NCKAP5: variants seen among roughly 807,000 people sequenced by gnomAD.
NCKAP5 encodes the protein nck-associated protein 5.
Under a neutral mutation model 167.0 loss-of-function variants are expected in NCKAP5, and 92 were observed. The ratio of observed to expected loss-of-function variants is 0.55; its 90% confidence interval spans 0.47 to 0.66. The LOEUF is 0.66. NCKAP5 is among the 30% of genes least tolerant of loss of function. NCKAP5 has a pLI of 0.00. For missense variants in NCKAP5, 2,378 were observed against 2,315.0 expected, an observed-to-expected ratio of 1.03 and a Z score of -0.56; for synonymous variants, 891 against 877.4, an observed-to-expected ratio of 1.02 and a Z score of -0.27.
At chr2:133,578,943 C>T in the NCKAP5 span, among the ~76,000 whole-genome samples, 4 of 152,166 alleles carry the variant, frequency 2.6e-5, no homozygotes. Context: ...GGTAACCCAA[C>T]AAATAATCTG....
chr2:133,001,714 C>T (rs2077788932), intron 6 of NCKAP5, among the ~76,000 whole-genome samples: 1 of 152,152 alleles, frequency 6.6e-6, no homozygotes, highest in African/African-American at 2.4e-5. Flanking sequence ...TGGGTATCAA[C>T]ATTTTCTGCT....
intron 3 of NCKAP5, among the ~76,000 whole-genome samples, chr2:133,487,548 C>T (rs1681020211): frequency 6.6e-6 from 1 of 152,122 alleles, no homozygotes; most frequent in Admixed American, 6.5e-5. Context: ...CATCCTGATT[C>T]TAAAAATGTC....
intron 3 of NCKAP5, among the ~76,000 whole-genome samples, chr2:133,424,218 T>TA (rs1689652062): frequency 6.6e-6 from 1 of 152,148 alleles, no homozygotes; most frequent in African/African-American, 2.4e-5. Flanking sequence ...TAAGACCCTA[T>TA]AACTTGTCCA....
intron 5 of NCKAP5, among the ~76,000 whole-genome samples, chr2:133,145,801 A>G (rs2083171734): frequency 6.6e-6 from 1 of 152,120 alleles, no homozygotes; most frequent in Non-Finnish European, 1.5e-5. Flanking sequence ...CCAGGCATTG[A>G]CAAACAACTC....
chr2:133,579,589 T>A, the NCKAP5 span, among the ~76,000 whole-genome samples: 1 of 152,102 alleles, frequency 6.6e-6, no homozygotes, highest in Non-Finnish European at 1.5e-5. Flanking sequence ...GATAAGTAGG[T>A]GTCCCTGGAT....
chr2:133,627,632 G>C, the NCKAP5 span, among the ~76,000 whole-genome samples: 3 of 152,156 alleles, frequency 2.0e-5, no homozygotes, highest in Non-Finnish European at 4.4e-5. Flanking sequence ...AATTAGCCAA[G>C]TGTGGTGACG....
At chr2:132,858,132 A>T (rs1390128677) in intron 11 of NCKAP5, among the ~76,000 whole-genome samples, 1 of 152,184 alleles carries the variant, frequency 6.6e-6, no homozygotes, top group Non-Finnish European at 1.5e-5. Flanking sequence ...AGAAGTGCAA[A>T]AAAACTACTT....
intron 2 of NCKAP5, chr2:133,556,976 A>G (rs1409718206): frequency 6.6e-6 from 1 of 152,232 alleles, no homozygotes; most frequent in Non-Finnish European, 1.5e-5. Flanking sequence ...GACAATGAGA[A>G]AGAAGTCTTC....
At chr2:132,733,181 A>G (rs951139795) in intron 16 of NCKAP5, among the ~76,000 whole-genome samples, 4 of 152,216 alleles carry the variant, frequency 2.6e-5, no homozygotes, top group African/African-American at 7.2e-5. Context: ...ATCAAGGCCA[A>G]TGAGGCAGCT....
intron 6 of NCKAP5, chr2:133,118,891 G>A (rs1220983625): frequency 2.6e-5 from 4 of 152,060 alleles, no homozygotes; most frequent in African/African-American, 9.7e-5. Context: ...AAATGAAATG[G>A]GAAAATACAC....
In NCKAP5 at chr2:132,860,599, C is replaced by T. The variant is rs750518866; in HGVS notation, c.700G>A (p.Glu234Lys). The change falls in exon 11 of 20, where the codon GAA becomes AAA. Residue 234 changes from glutamate to lysine, a missense_variant. By Grantham distance (56) the Glu-to-Lys change is moderately conservative (BLOSUM62 1). This residue lies in a region of NCKAP5 where 1,049 missense variants were observed against 1,023.4 expected (regional missense o/e 1.02). Coordinates refer to ENST00000409261, the MANE Select transcript of NCKAP5 (RefSeq NM_207363.3). ...ACTCTTGTTTTCAACTTCACACATTCCTCTCTTAGATCCTACAACAAACAC... is the reference window on the plus strand; with the variant it reads ...ACTCTTGTTTTCAACTTCACACATTTCTCTCTTAGATCCTACAACAAACAC... Reference protein sequence around the residue: ...ALLTQKDLREECVKLKTRVFD... With the variant: ...ALLTQKDLREKCVKLKTRVFD... 10 of 1,573,576 alleles carry T rather than the reference C, an allele frequency of 6.4e-6. No individual in the cohort carries two copies. Among genetic ancestry groups the T allele is most frequent in the South Asian group, 4.7e-5 (4 of 85,754 alleles).
intron 8 of NCKAP5, among the ~76,000 whole-genome samples, chr2:132,960,291 A>G (rs963906489): frequency 1.3e-5 from 2 of 152,230 alleles, no homozygotes; most frequent in Non-Finnish European, 2.9e-5. Flanking sequence ...AGACCTAGAC[A>G]GCTCTGCAAA....
intron 3 of NCKAP5, among the ~76,000 whole-genome samples, chr2:133,309,818 A>G (rs1681103870): frequency 6.6e-6 from 1 of 152,228 alleles, no homozygotes; most frequent in Non-Finnish European, 1.5e-5. Flanking sequence ...GATCTTAAGT[A>G]TCATTCATAT....
In NCKAP5 at chr2:132,781,070, T is replaced by A. The variant is rs755884979; in HGVS notation, c.5031A>T (p.Glu1677Asp). The change falls in exon 15 of 20, where the codon GAA (glutamate) becomes GAT (aspartate). Residue 1677 changes from glutamate to aspartate, a missense_variant. By Grantham distance (45) the Glu-to-Asp change is conservative (BLOSUM62 2). Transcript: ENST00000409261. ...KKNMKIKADM[E>D]VPKDSLVKEA... is the part of the protein sequence containing the mutation. ...CACTTACCAGGGAGTCTTTTGGTAC[T>A]TCCATATCGGCTTTGATTTTCATGT... 1 of 1,613,406 alleles carries A rather than the reference T, an allele frequency of 6.2e-7. No homozygotes were observed. The highest frequency in any genetic ancestry group is 8.5e-7 in the Non-Finnish European group (1 of 1,179,612).
intron 8 of NCKAP5, among the ~76,000 whole-genome samples, chr2:132,951,556 C>T (rs781257356): frequency 1.4e-4 from 21 of 152,096 alleles, no homozygotes; most frequent in Non-Finnish European, 2.6e-4. Flanking sequence ...TAGTGAGGCT[C>T]TAGGGTTGGA....
At chr2:132,687,207 C>T (rs1686059799) in intron 19 of NCKAP5, among the ~76,000 whole-genome samples, 2 of 152,092 alleles carry the variant, frequency 1.3e-5, no homozygotes, top group African/African-American at 4.8e-5. Context: ...GGGTCCATCC[C>T]TAAAATAATG....
At chr2:133,537,058 C>G (rs998280247) in intron 2 of NCKAP5, among the ~76,000 whole-genome samples, 1 of 151,944 alleles carries the variant, frequency 6.6e-6, no homozygotes, top group Non-Finnish European at 1.5e-5. Context: ...GAAGATTATT[C>G]TTTTTCTCAC....
chr2:132,762,879 T>C (rs983180711), intron 16 of NCKAP5, among the ~76,000 whole-genome samples: 3 of 152,150 alleles, frequency 2.0e-5, no homozygotes, highest in East Asian at 3.9e-4. Context: ...ACTGGGGACT[T>C]TCACTCAAAG....
At chr2:133,316,358 G>T (rs967739605) in intron 3 of NCKAP5, among the ~76,000 whole-genome samples, 1 of 152,164 alleles carries the variant, frequency 6.6e-6, no homozygotes, top group Non-Finnish European at 1.5e-5. Flanking sequence ...TGCTTCTCAT[G>T]TTGGATCTAG....
Sources: allele counts gnomAD v4.1 joint callset (sites outside exome capture counted in the v4.1 genomes callset), GRCh38; gene constraint gnomAD v4.1.1; regional missense constraint gnomAD v4.1.1; transcripts MANE v1.5; gene names NCBI Gene and HGNC (gene_info 2026-07-23, HGNC 2026-07-21).